SLC12A1: variants seen among roughly 807,000 people sequenced by gnomAD.
The protein encoded by SLC12A1 is Na-K-2Cl cotransporter.
In SLC12A1, 89 loss-of-function variants were observed where a neutral mutation model predicts 130.4. The ratio of observed to expected loss-of-function variants is 0.68; its 90% confidence interval spans 0.58 to 0.81. The LOEUF is 0.81. Ranked by LOEUF, SLC12A1 falls within the 40% of genes least tolerant of loss-of-function variation. The pLI, the probability that SLC12A1 is intolerant of heterozygous loss-of-function variation, is 0.00. For missense variants in SLC12A1, 1,310 were observed against 1,336.4 expected, an observed-to-expected ratio of 0.98 and a Z score of 0.31; for synonymous variants, 499 against 460.0, an observed-to-expected ratio of 1.08 and a Z score of -1.09.
intron 14 of SLC12A1, among the ~76,000 whole-genome samples, chr15:48,250,874 G>T (rs975381589): frequency 2.0e-5 from 3 of 152,150 alleles, no homozygotes; most frequent in Non-Finnish European, 2.9e-5. Context: ...AACAAAAGGT[G>T]CCCTTCGTAT....
At chr15:48,248,555 C>A (rs1039604011) in intron 13 of SLC12A1, among the ~76,000 whole-genome samples, 1 of 152,214 alleles carries the variant, frequency 6.6e-6, no homozygotes, top group South Asian at 2.1e-4. Flanking sequence ...TTGTTGGTAT[C>A]CATGTTCCAG....
intron 24 of SLC12A1, among the ~76,000 whole-genome samples, chr15:48,295,777 G>C (rs1038987411): frequency 2.0e-5 from 3 of 152,154 alleles, no homozygotes; most frequent in Admixed American, 1.3e-4. Context: ...AGGCCACCAG[G>C]AGTGTGCTGG....
chr15:48,235,147 A>T lies in SLC12A1; in HGVS notation c.1215+143A>T, dbSNP rs1597414713. The T allele has an allele frequency of 6.5e-6, 6 of 917,220 alleles. No individual in the cohort carries two copies. In the East Asian group the frequency reaches 1.4e-4, roughly 22 times the overall value. 56.8% of individuals were successfully genotyped at this position (917,220 alleles called of 1,614,324 possible). A position where few individuals can be genotyped will look rare whatever the true frequency, so the allele number is the denominator to read the frequency against. On this transcript the variant is annotated intron_variant, in intron 9 of 26. Transcript: ENST00000380993. Reference sequence around the variant, plus strand: ...CTGCAAGATTTCCTGATGATTTAAAAGTTCTCTCTTTTAATGCCAAATTTG... The same window carrying T: ...CTGCAAGATTTCCTGATGATTTAAATGTTCTCTCTTTTAATGCCAAATTTG...
intron 17 of SLC12A1, among the ~76,000 whole-genome samples, chr15:48,261,804 A>G (rs1005783675): frequency 1.7e-4 from 26 of 152,190 alleles, no homozygotes; most frequent in Admixed American, 3.3e-4. Flanking sequence ...GCTTTTGAGA[A>G]TAACAGTCAA....
In SLC12A1 at chr15:48,234,864, A is replaced by C. The variant is rs777990379; in HGVS notation, c.1088-13A>C. The C allele has an allele frequency of 5.0e-6, 8 of 1,613,482 alleles. No homozygotes were observed. Among genetic ancestry groups the C allele is most frequent in the Non-Finnish European group, 5.9e-6 (7 of 1,179,436 alleles). ...ATGTCTACATCATAATTTTCTTATA[A>C]TTTATGTTGCAGCATCAATATTTGC... is the stretch of plus-strand genomic sequence containing the variant. On this transcript the variant is annotated splice_polypyrimidine_tract_variant and intron_variant, in intron 8 of 26. Coordinates refer to ENST00000380993, the MANE Select transcript of SLC12A1 (RefSeq NM_000338.3).
intron 24 of SLC12A1, among the ~76,000 whole-genome samples, chr15:48,296,435 T>C (rs1170080859): frequency 6.6e-6 from 1 of 152,196 alleles, no homozygotes; most frequent in East Asian, 1.9e-4. Context: ...ATTCTATTTT[T>C]TATTGTATAG....
chr15:48,235,738 G>A (rs909206788), intron 9 of SLC12A1, among the ~76,000 whole-genome samples: 56 of 151,908 alleles, frequency 3.7e-4, no homozygotes, highest in African/African-American at 1.0e-3. Context: ...AAATCATCCC[G>A]TAGGCCATCC....
At chr15:48,259,599 A>G (rs1227606329) in intron 17 of SLC12A1, among the ~76,000 whole-genome samples, 1 of 152,222 alleles carries the variant, frequency 6.6e-6, no homozygotes, top group Non-Finnish European at 1.5e-5. Context: ...CTCAGAAATA[A>G]AATGAAGGCA....
Position 48,251,754 on chromosome 15 carries a change from G to A in SLC12A1, c.1926G>A (p.Val642=). ...YVIEFFLYVY[V]TCKKPDVNWG... The stretch of plus-strand genomic sequence containing the variant: ...TTGAATTCTTCCTTTACGTCTATGT[G>A]ACTTGTAAGAAGCCAGGTAAGATAA... The change falls in exon 15 of 27, where the codon GTG becomes GTA. Residue 642 remains valine (V), a synonymous_variant. Transcript: ENST00000380993. 7 of 1,613,818 alleles carry A rather than the reference G, an allele frequency of 4.3e-6. No individual in the cohort carries two copies. The highest frequency in any genetic ancestry group is 5.9e-6 in the Non-Finnish European group (7 of 1,179,836).
At chr15:48,228,972 C>T (rs1449222667) in intron 5 of SLC12A1, 7 of 409,674 alleles carry the variant, frequency 1.7e-5, no homozygotes, top group Non-Finnish European at 3.0e-5. Context: ...ATAGAGTGGG[C>T]TTTATTAAGT....
rs550686114 is a variant in SLC12A1 at position 48,254,592 on chromosome 15, T to TAAAAAAAAAAAAAA, written c.1943-1194_1943-1181dup. On this transcript the variant is annotated intron_variant, in intron 15 of 26. Coordinates refer to ENST00000380993, the MANE Select transcript of SLC12A1 (RefSeq NM_000338.3). Reference sequence around the variant, plus strand: ...AAGATCCATTTAATACTTAAATTCGTAAAAAAAAAAAAAAAAAAAAAAAAA... The same window carrying TAAAAAAAAAAAAAA: ...AAGATCCATTTAATACTTAAATTCGTAAAAAAAAAAAAAAAAAAAAAAAAAAAAAAAAAAAAAAA... Among the ~76,000 whole-genome samples the TAAAAAAAAAAAAAA allele has an allele frequency of 2.5e-4, 13 of 52,888 alleles. 2 individuals carry two copies. Among genetic ancestry groups the TAAAAAAAAAAAAAA allele is most frequent in the Non-Finnish European group, 5.1e-4 (12 of 23,404 alleles). 34.7% of individuals were successfully genotyped at this position (52,888 alleles called of 152,430 possible). A position where few individuals can be genotyped will look rare whatever the true frequency, so the allele number is the denominator to read the frequency against.
Position 48,247,439 on chromosome 15 carries a change from G to A in SLC12A1, c.1663G>A (p.Ala555Thr). The A allele has an allele frequency of 1.9e-6, 3 of 1,609,000 alleles. No homozygotes were observed. The highest frequency in any genetic ancestry group is 2.6e-6 in the Non-Finnish European group (3 of 1,176,084). ...AGGATATATTCTCACTTTTCTTATA[G>A]CCATGGCATTTATTCTTATTGGTTT... ...LRGYILTFLIAMAFILIAELN... is the reference protein window; with the variant it reads ...LRGYILTFLITMAFILIAELN... The change falls in exon 13 of 27, where the codon GCC becomes ACC. Residue 555 changes from alanine to threonine, a missense_variant. By Grantham distance (58) the Ala-to-Thr change is moderately conservative. Transcript: ENST00000380993.
intron 17 of SLC12A1, among the ~76,000 whole-genome samples, chr15:48,263,183 T>C (rs988559832): frequency 1.3e-5 from 2 of 152,210 alleles, no homozygotes; most frequent in East Asian, 1.9e-4. Flanking sequence ...GGAATTTTTT[T>C]ATTAAAATGA....
intron 14 of SLC12A1, among the ~76,000 whole-genome samples, chr15:48,250,635 G>A (rs2041635998): frequency 7.1e-6 from 1 of 141,196 alleles, no homozygotes; most frequent in African/African-American, 2.6e-5. Context: ...ACAGCATATA[G>A]AGGAAGACAC....
At position 48,220,899 on chromosome 15, in the gene SLC12A1, T is replaced by C. The variant is rs375678201; in HGVS notation, c.553-22T>C. ...CCACTATCGTTTGTCCTGTCTCCTT[T>C]CAATACCGCTTCTATCCACAGGTAA... On this transcript the variant is annotated intron_variant, in intron 3 of 26. Transcript: ENST00000380993. The C allele has an allele frequency of 3.0e-5, 48 of 1,613,622 alleles. No homozygotes were observed. The African/African-American group carries it at 5.6e-4, about 19-fold the overall frequency.
intron 17 of SLC12A1, among the ~76,000 whole-genome samples, chr15:48,259,621 A>T (rs2041747552): frequency 6.6e-6 from 1 of 152,212 alleles, no homozygotes; most frequent in Admixed American, 6.5e-5. Flanking sequence ...TTGGGGTGAT[A>T]ACTGTCTACA....
intron 23 of SLC12A1, among the ~76,000 whole-genome samples, 178 bp downstream of exon 23, chr15:48,288,694 C>T (rs1224315941): frequency 2.6e-5 from 4 of 152,144 alleles, no homozygotes; most frequent in Admixed American, 6.6e-5. Context: ...TTTTCCTGAT[C>T]GCTGTCTTCA....
chr15:48,232,789 C>A lies in SLC12A1; in HGVS notation c.1038C>A (p.Val346=), dbSNP rs1395178563. The part of the protein sequence containing the change: ...IAIANFFIGT[V]IPSNNEKKSR... ...TTGCAAACTTCTTCATTGGAACTGT[C>A]ATTCCATCCAACAATGAGAAAAAGT... Residue 346 remains valine (V), a synonymous_variant, in exon 8 of 27, where the codon GTC becomes GTA. Transcript: ENST00000380993. 2 of 1,613,032 alleles carry A rather than the reference C, an allele frequency of 1.2e-6. No homozygotes were observed. The highest frequency in any genetic ancestry group is 4.5e-5 in the East Asian group (2 of 44,890).
chr15:48,233,806 T>C lies in SLC12A1; in HGVS notation c.1087+968T>C, dbSNP rs183120164. On this transcript the variant is annotated intron_variant, in intron 8 of 26. Transcript: ENST00000380993. ...TTCCCTTCTATTATTTTCCCTCCCTTCCCATTCCTACCATATTTTTTCTTT... is the reference window on the plus strand; with the variant it reads ...TTCCCTTCTATTATTTTCCCTCCCTCCCCATTCCTACCATATTTTTTCTTT... Among the ~76,000 whole-genome samples, 21 of 152,238 alleles carry C rather than the reference T, an allele frequency of 1.4e-4. No individual in the cohort carries two copies. In the East Asian group the frequency reaches 4.0e-3, roughly 29 times the overall value.
Sources: gnomAD v4.1 joint callset for allele counts (sites outside exome capture counted in the v4.1 genomes callset) on GRCh38, gnomAD v4.1.1 for gene constraint, MANE v1.5 for transcripts, NCBI Gene and HGNC (gene_info 2026-07-23, HGNC 2026-07-21) for gene names.